CNTN5: variants seen among roughly 807,000 people sequenced by gnomAD.
The protein encoded by CNTN5 is contactin-5.
CNTN5 carries 77 observed loss-of-function variants against 129.1 expected under a neutral mutation model. The observed-to-expected ratio is 0.60, with a 90% CI of 0.50 to 0.72. The LOEUF (loss-of-function observed/expected upper bound fraction) is 0.72, where lower values mean the gene tolerates loss of function less well. Ranked by LOEUF, CNTN5 falls within the 30% of genes least tolerant of loss-of-function variation. CNTN5 has a pLI of 0.00. For missense variants in CNTN5, 1,478 were observed against 1,328.8 expected (o/e 1.11, Z -1.75); for synonymous variants, 509 against 465.6 (o/e 1.09, Z -1.20).
intron 6 of CNTN5, among the ~76,000 whole-genome samples, chr11:99,857,396 T>C (rs979478978): frequency 6.6e-6 from 1 of 152,288 alleles, no homozygotes; most frequent in African/African-American, 2.4e-5. Flanking sequence ...AATTCCCTTA[T>C]GACACCTATG....
At chr11:99,180,150 A>G (rs1857977616) in intron 1 of CNTN5, among the ~76,000 whole-genome samples, 2 of 152,212 alleles carry the variant, frequency 1.3e-5, no homozygotes, top group Admixed American at 1.3e-4. Flanking sequence ...GGCAATGCAG[A>G]TGTAATGAGC....
At chr11:100,161,894 AAAAC>A (rs1947467786) in intron 13 of CNTN5, among the ~76,000 whole-genome samples, 1 of 149,554 alleles carries the variant, frequency 6.7e-6, no homozygotes. Flanking sequence ...CAAAAAACAA[AAAAC>A]ACACCTAAGC....
chr11:99,396,443 T>A (rs925117729), intron 2 of CNTN5, among the ~76,000 whole-genome samples: 10 of 151,620 alleles, frequency 6.6e-5, no homozygotes, highest in Non-Finnish European at 8.9e-5. Flanking sequence ...TTTATAGTTG[T>A]GGTTGTGTAA....
chr11:100,244,342 G>A (rs911294258), intron 16 of CNTN5, among the ~76,000 whole-genome samples: 8 of 152,088 alleles, frequency 5.3e-5, no homozygotes, highest in Non-Finnish European at 1.2e-4. Flanking sequence ...AATCCTCACT[G>A]AAAAACTCAT....
At chr11:100,280,216 T>C (rs1950606101) in intron 18 of CNTN5, among the ~76,000 whole-genome samples, 1 of 151,972 alleles carries the variant, frequency 6.6e-6, no homozygotes, top group African/African-American at 2.4e-5. Context: ...GTAAATTAAA[T>C]CCAGTGTTTC....
chr11:99,476,574 T>C (rs557805727), intron 2 of CNTN5, among the ~76,000 whole-genome samples: 4 of 152,278 alleles, frequency 2.6e-5, no homozygotes, highest in Middle Eastern at 3.4e-3. Context: ...CAACTTCTTA[T>C]AGAACTTAGT....
At chr11:100,033,842 G>A (rs17622286) in intron 9 of CNTN5, among the ~76,000 whole-genome samples, 13,942 of 152,190 alleles carry the variant, frequency 0.092, 831 homozygotes, top group East Asian at 0.18. Context: ...CACAGGCAAG[G>A]TCAGATGCTA....
intron 8 of CNTN5, among the ~76,000 whole-genome samples, chr11:99,997,506 A>G (rs2137447146): frequency 6.6e-6 from 1 of 152,352 alleles, no homozygotes; most frequent in East Asian, 1.9e-4. Flanking sequence ...AATTGTGGCA[A>G]TAATCAATAG....
intron 7 of CNTN5, among the ~76,000 whole-genome samples, chr11:99,954,762 A>G (rs1171495119): frequency 6.6e-6 from 1 of 152,184 alleles, no homozygotes; most frequent in African/African-American, 2.4e-5. Context: ...CTGGCAGAAA[A>G]TCCACTGCAA....
rs1038653937 is a variant in CNTN5 at position 99,369,235 on chromosome 11, T to C, written c.-71+43751T>C. On this transcript the variant is annotated intron_variant, in intron 2 of 24. Transcript: ENST00000524871. ...TATATATAATATATATATATGTATT[T>C]CAAAGGAGCAGATAAATAAAGTGCA... Among the ~76,000 whole-genome samples the C allele has an allele frequency of 4.4e-5, 4 of 90,306 alleles. No homozygotes were observed. In the East Asian group the frequency reaches 9.6e-4, roughly 22 times the overall value. The allele number at this position is 90,306 out of a possible 152,430, so 59.2% of individuals were successfully genotyped here.
rs1323892142 is a variant in CNTN5 at position 99,794,365 on chromosome 11, C to G, written c.56-25179C>G. 1.3e-5 allele frequency among the ~76,000 whole-genome samples: 2 copies of G among 151,874 alleles called. 1 individual carries two copies. Among genetic ancestry groups the G allele is most frequent in the Non-Finnish European group, 2.9e-5 (2 of 67,940 alleles). On this transcript the variant is annotated intron_variant, in intron 3 of 24. Coordinates refer to ENST00000524871, the MANE Select transcript of CNTN5 (RefSeq NM_014361.4). ...TGAGACAGCATACTATTTGGTTTTC[C>G]TTGTTTATCCAACTTTCCATTCTGT...
intron 1 of CNTN5, among the ~76,000 whole-genome samples, chr11:99,134,590 G>A (rs1329136146): frequency 3.3e-5 from 5 of 152,270 alleles, no homozygotes; most frequent in African/African-American, 9.6e-5. Flanking sequence ...TGTGGATCAA[G>A]TACCTAAGCA....
chr11:100,057,326 A>T (rs562012087), intron 9 of CNTN5, among the ~76,000 whole-genome samples: 193 of 150,406 alleles, frequency 1.3e-3, no homozygotes, highest in African/African-American at 4.5e-3. Flanking sequence ...ACAAAAAAGT[A>T]ATAAAAACTT....
chr11:99,304,801 C>T (rs1864798409), intron 1 of CNTN5, among the ~76,000 whole-genome samples: 1 of 152,174 alleles, frequency 6.6e-6, no homozygotes, highest in Admixed American at 6.6e-5. Context: ...ATGGTCATCT[C>T]TATTGTGAGG....
intron 3 of CNTN5, among the ~76,000 whole-genome samples, chr11:99,750,699 C>G (rs1349019726): frequency 6.6e-6 from 1 of 152,052 alleles, no homozygotes; most frequent in Non-Finnish European, 1.5e-5. Flanking sequence ...TTAGAAATAC[C>G]ACATGCAATA....
chr11:99,771,004 A>G (rs1366614809), intron 3 of CNTN5, among the ~76,000 whole-genome samples: 1 of 152,130 alleles, frequency 6.6e-6, no homozygotes, highest in African/African-American at 2.4e-5. Flanking sequence ...TTTATGGTCA[A>G]ACTAATCTTT....
chr11:99,080,267 TC>T (rs1865736802), intron 1 of CNTN5, among the ~76,000 whole-genome samples: 1 of 152,166 alleles, frequency 6.6e-6, no homozygotes, highest in Non-Finnish European at 1.5e-5. Flanking sequence ...TGTAGGGCAT[TC>T]AAGGCAAAGG....
intron 1 of CNTN5, among the ~76,000 whole-genome samples, chr11:99,120,955 A>T (rs12292900): frequency 0.076 from 11,635 of 152,146 alleles, 525 homozygotes; most frequent in African/African-American, 0.12. Flanking sequence ...AAAATGTTTT[A>T]GTCAAATACA....
chr11:99,931,090 TTAA>T (rs1337585926), intron 7 of CNTN5, among the ~76,000 whole-genome samples: 42 of 152,360 alleles, frequency 2.8e-4, no homozygotes, highest in Middle Eastern at 3.4e-3. Flanking sequence ...AACTAGTTAC[TTAA>T]TAATATCTGA....
Sources: gnomAD v4.1 joint callset for allele counts (sites outside exome capture counted in the v4.1 genomes callset) on GRCh38, gnomAD v4.1.1 for gene constraint, MANE v1.5 for transcripts, NCBI Gene and HGNC (gene_info 2026-07-23, HGNC 2026-07-21) for gene names.